Variants in PDE11A observed in about 807,000 individuals in gnomAD.
PDE11A encodes dual 3',5'-cyclic-AMP and -GMP phosphodiesterase 11A.
PDE11A carries 100 observed loss-of-function variants against 100.5 expected under a neutral mutation model. That is an observed-to-expected ratio of 1.00 (90% CI 0.85 to 1.18). The LOEUF (loss-of-function observed/expected upper bound fraction) is 1.18. Ranked by LOEUF, PDE11A falls within the 50% of genes most tolerant of loss-of-function variation. The pLI, the probability that PDE11A is intolerant of heterozygous loss-of-function variation, is 0.00. For missense variants in PDE11A, 1,141 were observed against 1,152.6 expected (o/e 0.99, Z 0.15); for synonymous variants, 381 against 420.8 (o/e 0.91, Z 1.16).
intron 1 of PDE11A, among the ~76,000 whole-genome samples, chr2:178,056,052 A>T (rs1195823788): frequency 2.6e-5 from 4 of 152,200 alleles, no homozygotes; most frequent in Non-Finnish European, 5.9e-5. Context: ...AGAAACAGCT[A>T]CACGGTTGAT....
At chr2:178,020,459 C>A (rs1461805988) in intron 1 of PDE11A, among the ~76,000 whole-genome samples, 1 of 152,176 alleles carries the variant, frequency 6.6e-6, no homozygotes, top group Non-Finnish European at 1.5e-5. Flanking sequence ...CCCACCATCT[C>A]CTCACCTCTC....
At chr2:177,715,470 T>TC (rs2081423195) in intron 12 of PDE11A, among the ~76,000 whole-genome samples, 1 of 151,460 alleles carries the variant, frequency 6.6e-6, no homozygotes, top group African/African-American at 2.4e-5. Flanking sequence ...TTTTTTCTTT[T>TC]CTTTTTTTTT....
chr2:177,945,090 G>C (rs551065797), intron 2 of PDE11A, among the ~76,000 whole-genome samples: 2 of 150,596 alleles, frequency 1.3e-5, no homozygotes, highest in African/African-American at 4.8e-5. Flanking sequence ...CCGAGGTGCC[G>C]GGATTGCAGA....
intron 1 of PDE11A, among the ~76,000 whole-genome samples, chr2:178,017,467 A>G (rs1197549870): frequency 6.6e-6 from 1 of 152,246 alleles, no homozygotes; most frequent in Admixed American, 6.5e-5. Flanking sequence ...TACAATCTAT[A>G]TAATACCACA....
intron 1 of PDE11A, among the ~76,000 whole-genome samples, chr2:178,037,584 C>G (rs1366871648): frequency 1.3e-5 from 2 of 152,126 alleles, no homozygotes; most frequent in Non-Finnish European, 2.9e-5. Flanking sequence ...GTGTTTATTG[C>G]AGCACTATTT....
intron 2 of PDE11A, among the ~76,000 whole-genome samples, chr2:177,995,561 AC>A (rs2086060750): frequency 1.3e-5 from 2 of 152,196 alleles, no homozygotes; most frequent in Non-Finnish European, 2.9e-5. Context: ...TAACTGTGAA[AC>A]AAAAATATAC....
intron 10 of PDE11A, among the ~76,000 whole-genome samples, chr2:177,736,525 A>AG: frequency 6.6e-6 from 1 of 151,638 alleles, no homozygotes; most frequent in Non-Finnish European, 1.5e-5. Flanking sequence ...GAAAAAAAAA[A>AG]GAAAAAAAAA....
At chr2:177,957,809 C>CTT (rs1394163609) in intron 2 of PDE11A, among the ~76,000 whole-genome samples, 3 of 151,780 alleles carry the variant, frequency 2.0e-5, no homozygotes, top group Non-Finnish European at 4.4e-5. Flanking sequence ...TCTAGAAAGT[C>CTT]TTCAAAGATG....
intron 5 of PDE11A, among the ~76,000 whole-genome samples, chr2:177,851,975 C>T (rs1039304360): frequency 6.6e-6 from 1 of 152,108 alleles, no homozygotes; most frequent in African/African-American, 2.4e-5. Context: ...CATTTAGCTC[C>T]CACTTATAAG....
At chr2:177,804,370 C>T (rs1402958878) in intron 9 of PDE11A, among the ~76,000 whole-genome samples, 1 of 151,714 alleles carries the variant, frequency 6.6e-6, no homozygotes, top group East Asian at 1.9e-4. Context: ...AAATTAAAAC[C>T]ACAATGAGAT....
At chr2:178,046,542 T>A (rs956982276) in intron 1 of PDE11A, among the ~76,000 whole-genome samples, 10 of 152,188 alleles carry the variant, frequency 6.6e-5, no homozygotes, top group African/African-American at 2.4e-4. Flanking sequence ...GTTTTTATAA[T>A]TGAAGAATTG....
intron 2 of PDE11A, among the ~76,000 whole-genome samples, chr2:178,008,333 T>A (rs1168394373): frequency 6.6e-6 from 1 of 152,232 alleles, no homozygotes; most frequent in Non-Finnish European, 1.5e-5. Context: ...ATTGACTTTA[T>A]TAAGCTGATT....
In PDE11A at chr2:178,089,800, T is replaced by C. The variant is rs934170416; in HGVS notation, c.162+14502A>G. Among the ~76,000 whole-genome samples, 5 of 152,240 alleles carry C rather than the reference T, an allele frequency of 3.3e-5. No homozygotes were observed. The South Asian group carries it at 1.0e-3, about 32-fold the overall frequency. ...GCTGCAAGCCAAACACAGAAAGCAATGACAAGCCTGTGAGGGTAAACTGGT... is the reference window on the plus strand; with the variant it reads ...GCTGCAAGCCAAACACAGAAAGCAACGACAAGCCTGTGAGGGTAAACTGGT... On this transcript the variant is annotated intron_variant, in intron 2 of 20. Transcript: ENST00000358450.
At chr2:177,640,932 A>G (rs2080132873) in intron 19 of PDE11A, among the ~76,000 whole-genome samples, 2 of 152,172 alleles carry the variant, frequency 1.3e-5, no homozygotes, top group Non-Finnish European at 2.9e-5. Flanking sequence ...AAGTCCTGTC[A>G]ATCCCACTTC....
At chr2:177,925,372 C>T (rs1219619610) in intron 2 of PDE11A, among the ~76,000 whole-genome samples, 2 of 151,444 alleles carry the variant, frequency 1.3e-5, no homozygotes, top group South Asian at 2.1e-4. Flanking sequence ...CCTATTTCTC[C>T]ACATCCTCTC....
intron 2 of PDE11A, among the ~76,000 whole-genome samples, chr2:177,924,710 T>A (rs1005077985): frequency 1.3e-5 from 2 of 151,686 alleles, no homozygotes; most frequent in Non-Finnish European, 1.5e-5. Flanking sequence ...ATTCACATTC[T>A]GCCGGCTGTT....
intron 15 of PDE11A, among the ~76,000 whole-genome samples, chr2:177,681,203 T>G (rs1243821859): frequency 2.6e-5 from 4 of 152,164 alleles, no homozygotes; most frequent in Admixed American, 2.6e-4. Flanking sequence ...GAAGCCCTAG[T>G]GATACTTACT....
chr2:177,808,384 A>G (rs1295782733), intron 9 of PDE11A, among the ~76,000 whole-genome samples: 1 of 152,160 alleles, frequency 6.6e-6, no homozygotes, highest in Non-Finnish European at 1.5e-5. Flanking sequence ...ATTTTGGTAG[A>G]TAAAAGGATG....
chr2:178,028,815 A>C (rs2086510135), intron 1 of PDE11A, among the ~76,000 whole-genome samples: 1 of 152,226 alleles, frequency 6.6e-6, no homozygotes, highest in African/African-American at 2.4e-5. Context: ...TGCAAATAAC[A>C]GGGCCAGGAA....
Sources: allele counts gnomAD v4.1 joint callset (sites outside exome capture counted in the v4.1 genomes callset), GRCh38; gene constraint gnomAD v4.1.1; transcripts MANE v1.5; gene names NCBI Gene and HGNC (gene_info 2026-07-23, HGNC 2026-07-21).